The following EXT2 variants were observed in gnomAD, a reference collection of about 807,000 sequenced individuals.
The protein encoded by EXT2 is exostosin glycosyltransferase 2.
Under a neutral mutation model 81.6 loss-of-function variants are expected in EXT2, and 53 were observed. The observed-to-expected ratio is 0.65, with a 90% confidence interval of 0.52 to 0.82. EXT2 has a LOEUF of 0.82. Ranked by LOEUF, EXT2 falls within the 40% of genes least tolerant of loss-of-function variation. The pLI, the probability that EXT2 is intolerant of heterozygous loss-of-function variation, is 0.00. For synonymous variants in EXT2, 320 were observed against 340.0 expected (o/e 0.94, Z 0.65); for missense variants, 774 against 910.2 (o/e 0.85, Z 1.93).
chr11:44,098,260 G>C (rs1010734416), intron 1 of EXT2, among the ~76,000 whole-genome samples: 1 of 152,134 alleles, frequency 6.6e-6, no homozygotes, highest in Non-Finnish European at 1.5e-5. Flanking sequence ...CTGTGCTTTG[G>C]CATGTGAAAA....
intron 7 of EXT2, among the ~76,000 whole-genome samples, chr11:44,166,979 C>G (rs78877709): frequency 0.018 from 2,716 of 152,304 alleles, 84 homozygotes; most frequent in African/African-American, 0.063. Context: ...TGCTTACAGG[C>G]ATTGTAGAAC....
chr11:44,135,141 G>C (rs1954546698), intron 7 of EXT2, among the ~76,000 whole-genome samples: 1 of 152,238 alleles, frequency 6.6e-6, no homozygotes, highest in African/African-American at 2.4e-5. Flanking sequence ...ATCAAGAAGA[G>C]AGTAGAAGAG....
At chr11:44,166,929 C>T (rs1955002635) in intron 7 of EXT2, among the ~76,000 whole-genome samples, 1 of 152,120 alleles carries the variant, frequency 6.6e-6, no homozygotes, top group Admixed American at 6.5e-5. Context: ...AACCCTCCTG[C>T]CAAAAGAAGA....
intron 8 of EXT2, among the ~76,000 whole-genome samples, chr11:44,192,866 TTAA>T (rs1349102088): frequency 1.4e-4 from 21 of 152,192 alleles, no homozygotes; most frequent in Non-Finnish European, 1.6e-4. Context: ...ATAAAATGAG[TTAA>T]CTAGGTTCGG....
intron 13 of EXT2, among the ~76,000 whole-genome samples, chr11:44,238,483 T>C (rs1356093250): frequency 2.0e-5 from 3 of 152,074 alleles, no homozygotes; most frequent in African/African-American, 7.2e-5. Flanking sequence ...TGTTATGATA[T>C]GTAGGATGTA....
Position 44,134,480 on chromosome 11 carries a change from T to A in EXT2, c.1173+4342T>A, listed in dbSNP as rs984435951. ...GCTAAAGCTGTCAGGATGAATTTCT[T>A]GGAGATGTAGAATCTGAGGTAGGCC... On this transcript the variant is annotated intron_variant, in intron 7 of 13. Coordinates refer to ENST00000533608, the MANE Select transcript of EXT2 (RefSeq NM_207122.2). Among the ~76,000 whole-genome samples, 4 of 152,198 alleles carry A rather than the reference T, an allele frequency of 2.6e-5. 1 individual carries two copies. In the South Asian group the frequency reaches 8.3e-4, roughly 32 times the overall value.
At chr11:44,105,957 A>G (rs927236639) in intron 1 of EXT2, among the ~76,000 whole-genome samples, 2 of 152,202 alleles carry the variant, frequency 1.3e-5, no homozygotes, top group Non-Finnish European at 2.9e-5. Flanking sequence ...GGGATGGCTC[A>G]TCTCTTCCCT....
At chr11:44,178,084 A>G (rs950972817) in intron 8 of EXT2, among the ~76,000 whole-genome samples, 2 of 152,232 alleles carry the variant, frequency 1.3e-5, no homozygotes, top group Non-Finnish European at 2.9e-5. Flanking sequence ...AGAGTATTGC[A>G]TAAGAGCACT....
chr11:44,144,108 T>A, intron 7 of EXT2: 2 of 722,620 alleles, frequency 2.8e-6, no homozygotes, highest in South Asian at 3.4e-5. Flanking sequence ...TACGCTTTCT[T>A]TCTCCTGGTT....
At position 44,197,960 on chromosome 11, in the gene EXT2, G is replaced by T. The variant is rs760834967; in HGVS notation, c.1437G>T (p.Val479=). 1 of 1,614,082 alleles carries T rather than the reference G, an allele frequency of 6.2e-7. No homozygotes were observed. The highest frequency in any genetic ancestry group is 8.5e-7 in the Non-Finnish European group (1 of 1,179,986). The change falls in exon 9 of 14, where the codon GTG becomes GTT. Residue 479 remains valine, a synonymous_variant. Transcript: ENST00000533608. ...GGGTCATCACTGAAGTGTCCAAGGTGCCCAGTCTATCCAAACTACTTGTCG... is the reference window on the plus strand; with the variant it reads ...GGGTCATCACTGAAGTGTCCAAGGTTCCCAGTCTATCCAAACTACTTGTCG... The part of the protein sequence containing the change: ...LFRVITEVSK[V]PSLSKLLVVW...
Position 44,246,373 on chromosome 11 carries a change from T to C in EXT2, c.*2086T>C, listed in dbSNP as rs1268335314. 6.6e-6 allele frequency among the ~76,000 whole-genome samples: 1 copy of C among 152,192 alleles called. No homozygotes were observed. ...CTAATGCAGCTTCTCTCCCAAAGGGTACATTTTTAAATTTTTATTTTTTAA... is the reference window on the plus strand; with the variant it reads ...CTAATGCAGCTTCTCTCCCAAAGGGCACATTTTTAAATTTTTATTTTTTAA... On this transcript the variant is annotated 3_prime_UTR_variant, in exon 14 of 14. Transcript: ENST00000533608.
chr11:44,126,522 C>T (rs947789946), intron 5 of EXT2, among the ~76,000 whole-genome samples: 2 of 152,190 alleles, frequency 1.3e-5, no homozygotes, highest in African/African-American at 2.4e-5. Context: ...CAGGAAGTCA[C>T]GTTGTTAGCT....
intron 8 of EXT2, among the ~76,000 whole-genome samples, chr11:44,179,685 T>TC (rs1955207673): frequency 6.6e-6 from 1 of 152,242 alleles, no homozygotes; most frequent in Non-Finnish European, 1.5e-5. Context: ...AATTAAGTAT[T>TC]ATAACCTCAA....
chr11:44,223,975 A>C (rs1472161976), intron 10 of EXT2, among the ~76,000 whole-genome samples: 1 of 152,166 alleles, frequency 6.6e-6, no homozygotes, highest in African/African-American at 2.4e-5. Flanking sequence ...TAAAAGTTCA[A>C]CAGGAGGGAC....
chr11:44,219,631 A>AATGTGCCT (rs1955761100), intron 10 of EXT2, among the ~76,000 whole-genome samples: 1 of 152,190 alleles, frequency 6.6e-6, no homozygotes, highest in Non-Finnish European at 1.5e-5. Flanking sequence ...TAAATATGAA[A>AATGTGCCT]ATGTGCCTCA....
intron 7 of EXT2, among the ~76,000 whole-genome samples, chr11:44,145,548 G>C (rs186213779): frequency 1.3e-5 from 2 of 152,222 alleles, no homozygotes; most frequent in East Asian, 3.9e-4. Flanking sequence ...AAAGGGAAGG[G>C]CCAAATTAAC....
intron 10 of EXT2, among the ~76,000 whole-genome samples, chr11:44,209,472 CTTGAAG>C (rs1189948117): frequency 6.6e-6 from 1 of 152,148 alleles, no homozygotes; most frequent in Admixed American, 6.5e-5. Context: ...ACATTTCTAT[CTTGAAG>C]AAGGGACTCA....
chr11:44,193,323 A>G (rs772198854), intron 8 of EXT2, among the ~76,000 whole-genome samples: 1 of 152,232 alleles, frequency 6.6e-6, no homozygotes, highest in African/African-American at 2.4e-5. Context: ...AGACACATGG[A>G]ACGTAAAGCC....
intron 7 of EXT2, among the ~76,000 whole-genome samples, chr11:44,165,148 G>A (rs1954978326): frequency 6.6e-6 from 1 of 152,184 alleles, no homozygotes; most frequent in Admixed American, 6.5e-5. Flanking sequence ...AAAGTGCTGG[G>A]ATTACAGGCG....
Sources: allele counts gnomAD v4.1 joint callset (sites outside exome capture counted in the v4.1 genomes callset), GRCh38; gene constraint gnomAD v4.1.1; transcripts MANE v1.5; gene names NCBI Gene and HGNC (gene_info 2026-07-23, HGNC 2026-07-21).